Variants in RBFOX3 observed in about 807,000 individuals in gnomAD.
RBFOX3 encodes the protein RNA binding protein fox-1 homolog 3.
RBFOX3 carries 17 observed loss-of-function variants against 48.7 expected under a neutral mutation model. That is an observed-to-expected ratio of 0.35 (90% CI 0.24 to 0.52). RBFOX3 has a LOEUF of 0.52. Ranked by LOEUF, RBFOX3 falls within the 20% of genes least tolerant of loss-of-function variation. The pLI is 0.94. For missense variants in RBFOX3, 382 were observed against 497.5 expected (o/e 0.77, Z 2.21); for synonymous variants, 212 against 209.5 (o/e 1.01, Z -0.10).
chr17:79,106,616 T>G (rs760035259), intron 6 of RBFOX3, 35 bp downstream of exon 6: 1 of 1,424,108 alleles, frequency 7.0e-7, no homozygotes, highest in Non-Finnish European at 9.2e-7. Flanking sequence ...GGGGCAGGTG[T>G]GGAGGGCAGG....
At chr17:79,101,881 G>A (rs979271608) in intron 8 of RBFOX3, among the ~76,000 whole-genome samples, 2 of 152,178 alleles carry the variant, frequency 1.3e-5, no homozygotes, top group African/African-American at 2.4e-5. Flanking sequence ...CCTTCATGTG[G>A]CTGTTCCCAT....
intron 2 of RBFOX3, among the ~76,000 whole-genome samples, chr17:79,456,747 G>A (rs967847666): frequency 2.0e-5 from 3 of 152,036 alleles, no homozygotes; most frequent in Admixed American, 1.3e-4. Context: ...GCCCTTCAGA[G>A]CCTGCCTCTG....
At chr17:79,105,787 C>T (rs1380924357) in intron 6 of RBFOX3, among the ~76,000 whole-genome samples, 1 of 152,156 alleles carries the variant, frequency 6.6e-6, no homozygotes, top group Non-Finnish European at 1.5e-5. Flanking sequence ...GGCACCGTGG[C>T]AGGCAGGCGG....
rs142031566 is a variant in RBFOX3, at chr17:79,274,663, T to A, written c.-74+33061A>T. Among the ~76,000 whole-genome samples, 1,078 of 152,056 alleles carry A rather than the reference T, an allele frequency of 7.1e-3. 9 individuals are homozygous for A. The highest frequency in any genetic ancestry group is 0.024 in the Middle Eastern group (7 of 294). ...AGTCAGGGCACCAGCGAGGGTCCCC[T>A]CATCCCCCAAGAGGCTGGGGGCACA... is the stretch of plus-strand genomic sequence containing the variant. On this transcript the variant is annotated intron_variant, in intron 3 of 14. Coordinates refer to ENST00000693108, the MANE Select transcript of RBFOX3 (RefSeq NM_001350451.2).
intron 4 of RBFOX3, among the ~76,000 whole-genome samples, chr17:79,193,614 A>C (rs1214344441): frequency 1.3e-5 from 2 of 152,214 alleles, no homozygotes; most frequent in Non-Finnish European, 2.9e-5. Context: ...TTAACAGCAA[A>C]TTTATGGGAA....
intron 2 of RBFOX3, among the ~76,000 whole-genome samples, chr17:79,310,854 G>A (rs930606563): frequency 1.2e-4 from 18 of 152,112 alleles, no homozygotes; most frequent in African/African-American, 4.3e-4. Flanking sequence ...TTGAACCCTG[G>A]TCATCAGCTC....
At chr17:79,596,595 T>A (rs1599253154) in intron 1 of RBFOX3, among the ~76,000 whole-genome samples, 1 of 152,140 alleles carries the variant, frequency 6.6e-6, no homozygotes. Context: ...GCTCTCAGAA[T>A]TCAACAAATG....
chr17:79,622,351 C>G, the RBFOX3 span, among the ~76,000 whole-genome samples: 3 of 152,172 alleles, frequency 2.0e-5, no homozygotes, highest in African/African-American at 7.2e-5. Flanking sequence ...GCCCCGTACC[C>G]TGCACCCTCC....
intron 3 of RBFOX3, among the ~76,000 whole-genome samples, chr17:79,257,713 T>C (rs1028362486): frequency 6.6e-6 from 1 of 152,132 alleles, no homozygotes; most frequent in Non-Finnish European, 1.5e-5. Flanking sequence ...CCCGAGTAGC[T>C]GGGACTACAG....
intron 4 of RBFOX3, among the ~76,000 whole-genome samples, chr17:79,183,077 C>T (rs1051739842): frequency 6.7e-6 from 1 of 148,674 alleles, no homozygotes; most frequent in African/African-American, 2.4e-5. Context: ...CTGGGCGCCC[C>T]CGCGCTCGGC....
intron 2 of RBFOX3, among the ~76,000 whole-genome samples, chr17:79,453,951 C>T (rs1292980197): frequency 6.6e-6 from 1 of 152,164 alleles, no homozygotes; most frequent in Admixed American, 6.5e-5. Context: ...GGGTGGACAG[C>T]AGGCCATGAC....
intron 2 of RBFOX3, among the ~76,000 whole-genome samples, chr17:79,416,737 G>A (rs540886604): frequency 1.1e-4 from 17 of 152,214 alleles, no homozygotes; most frequent in Non-Finnish European, 2.4e-4. Flanking sequence ...TATCTGCCTC[G>A]ATTGCTGACC....
chr17:79,234,046 T>C (rs1309615226), intron 4 of RBFOX3: 1 of 152,286 alleles, frequency 6.6e-6, no homozygotes, highest in Non-Finnish European at 1.5e-5. Context: ...GGTGAACACT[T>C]GCGGGCGCCT....
At chr17:79,458,217 C>T (rs952056332) in intron 2 of RBFOX3, among the ~76,000 whole-genome samples, 1 of 152,238 alleles carries the variant, frequency 6.6e-6, no homozygotes, top group East Asian at 1.9e-4. Flanking sequence ...AATGGGACTG[C>T]GCTGCCTGAC....
At chr17:79,441,953 G>A (rs8071325) in intron 2 of RBFOX3, among the ~76,000 whole-genome samples, 24,112 of 151,732 alleles carry the variant, frequency 0.16, 2,102 homozygotes, top group Non-Finnish European at 0.18. Context: ...CCCGGGCCCC[G>A]CCTTGACCTT....
chr17:79,201,250 G>C (rs1395106655), intron 4 of RBFOX3, among the ~76,000 whole-genome samples: 2 of 152,138 alleles, frequency 1.3e-5, no homozygotes, highest in African/African-American at 4.8e-5. Flanking sequence ...GGTTGGAATA[G>C]ATCTACTCTT....
At chr17:79,168,419 T>C (rs935573102) in intron 4 of RBFOX3, among the ~76,000 whole-genome samples, 1 of 152,286 alleles carries the variant, frequency 6.6e-6, no homozygotes, top group African/African-American at 2.4e-5. Context: ...TTTTGTGACC[T>C]TATCTTAGCA....
At chr17:79,387,656 C>G (rs578037540) in intron 2 of RBFOX3, among the ~76,000 whole-genome samples, 5 of 152,198 alleles carry the variant, frequency 3.3e-5, no homozygotes, top group Non-Finnish European at 5.9e-5. Context: ...TGCCTATGTG[C>G]CATGTTGTTG....
chr17:79,400,922 G>C (rs1164901800), intron 2 of RBFOX3, among the ~76,000 whole-genome samples: 3 of 152,202 alleles, frequency 2.0e-5, no homozygotes, highest in Non-Finnish European at 4.4e-5. Flanking sequence ...GGGAGCTCCT[G>C]GATGTGTCTA....
Sources: allele counts gnomAD v4.1 joint callset (sites outside exome capture counted in the v4.1 genomes callset), GRCh38; gene constraint gnomAD v4.1.1; transcripts MANE v1.5; gene names NCBI Gene and HGNC (gene_info 2026-07-23, HGNC 2026-07-21).